The following UBE2V2 variants were observed in gnomAD, a reference collection of about 807,000 sequenced individuals.
The protein encoded by UBE2V2 is ubiquitin conjugating enzyme E2 V2.
A neutral mutation model predicts 17.2 loss-of-function variants in UBE2V2; 9 were observed. The ratio of observed to expected loss-of-function variants is 0.52; its 90% CI spans 0.32 to 0.91. The LOEUF (loss-of-function observed/expected upper bound fraction) is 0.91. Among genes scored for constraint, UBE2V2 ranks in the 40% least tolerant of loss-of-function variants. The probability of loss-of-function intolerance (pLI) is 0.04; values close to 1 mark genes in which losing one functional copy is unlikely to be tolerated. For missense variants in UBE2V2, 133 were observed against 182.6 expected, an observed-to-expected ratio of 0.73 and a Z score of 1.56; for synonymous variants, 61 against 57.5, an observed-to-expected ratio of 1.06 and a Z score of -0.28.
chr8:48,008,069 G>A (rs45573131), upstream of UBE2V2, among the ~76,000 whole-genome samples: 2 of 152,018 alleles, frequency 1.3e-5, no homozygotes, highest in African/African-American at 4.8e-5. Context: ...TTACAGGCGC[G>A]CGCCACCACG....
In UBE2V2 at chr8:48,015,036, C is replaced by G. The variant is rs113385950; in HGVS notation, c.16+6566C>G. 9.8e-3 allele frequency among the ~76,000 whole-genome samples: 1,325 copies of G among 134,710 alleles called. 17 individuals carry two copies. The highest frequency in any genetic ancestry group is 0.035 in the African/African-American group (1,258 of 35,472). 88.4% of individuals were successfully genotyped at this position (134,710 alleles called of 152,430 possible). On this transcript the variant is annotated intron_variant, in intron 1 of 3. Coordinates refer to ENST00000523111, the MANE Select transcript of UBE2V2 (RefSeq NM_003350.3). ...CTGCACTCCAGCCCGAGTGACAGAG[C>G]GAGACTCCATCTCCAAAAAAAAAAA...
intron 3 of UBE2V2, among the ~76,000 whole-genome samples, chr8:48,056,230 C>T (rs2091571010): frequency 6.6e-6 from 1 of 152,070 alleles, no homozygotes; most frequent in African/African-American, 2.4e-5. Flanking sequence ...GTATGGAGAT[C>T]CCATTTTATT....
the UBE2V2 span, among the ~76,000 whole-genome samples, chr8:47,997,880 A>T: frequency 6.6e-6 from 1 of 151,926 alleles, no homozygotes; most frequent in Non-Finnish European, 1.5e-5. Context: ...GATGTTGTCA[A>T]GGAGGGGAAA....
At position 48,043,188 on chromosome 8, in the gene UBE2V2, G is replaced by GTTA. The variant is rs779851217; in HGVS notation, c.165+9_165+11dup. The GTTA allele has an allele frequency of 1.3e-4, 194 of 1,454,052 alleles. No homozygotes were observed. The highest frequency in any genetic ancestry group is 1.7e-4 in the Non-Finnish European group (188 of 1,098,096). 90.1% of individuals were successfully genotyped at this position (1,454,052 alleles called of 1,614,324 possible). On this transcript the variant is annotated splice_region_variant and intron_variant, in intron 2 of 3. Coordinates refer to ENST00000523111, the MANE Select transcript of UBE2V2 (RefSeq NM_003350.3). ...GATTATTGGGCCACCAAGGGTCAGT[G>GTTA]TTATAAATTATATTTTTTCTATTAA...
At chr8:48,012,410 A>G (rs1242983066) in intron 1 of UBE2V2, among the ~76,000 whole-genome samples, 1 of 152,124 alleles carries the variant, frequency 6.6e-6, no homozygotes, top group African/African-American at 2.4e-5. Context: ...AATAATAACA[A>G]TTAGTTTAGA....
intron 3 of UBE2V2, 129 bp from the exon 4 acceptor site, chr8:48,060,553 G>T (rs186650337): frequency 4.4e-5 from 32 of 735,244 alleles, no homozygotes; most frequent in Non-Finnish European, 5.5e-5. Context: ...TAATTCCATA[G>T]TGTATGTTTT....
In UBE2V2 at chr8:48,064,381, A is replaced by G. The variant is rs943439400; in HGVS notation, c.*3553A>G. 2.6e-5 allele frequency: 4 copies of G among 152,186 alleles called. No homozygotes were observed. The highest frequency in any genetic ancestry group is 9.6e-5 in the African/African-American group (4 of 41,452). 9.4% of individuals were successfully genotyped at this position (152,186 alleles called of 1,614,324 possible). ...TTGGGAAAATTGTGTATTTTTTTGT[A>G]TACAAGATAAAAGTGTCATAAAAAG... On this transcript the variant is annotated 3_prime_UTR_variant, in exon 4 of 4. Coordinates refer to ENST00000523111, the MANE Select transcript of UBE2V2 (RefSeq NM_003350.3).
At chr8:48,048,239 T>G (rs1389725271) in intron 2 of UBE2V2, among the ~76,000 whole-genome samples, 1 of 152,254 alleles carries the variant, frequency 6.6e-6, no homozygotes. Context: ...GCATGAAGTC[T>G]GAGCAATTCA....
chr8:48,025,889 C>T (rs1426975350), intron 1 of UBE2V2, among the ~76,000 whole-genome samples: 9 of 152,058 alleles, frequency 5.9e-5, no homozygotes, highest in Admixed American at 6.6e-5. Context: ...CGTGAGCCAC[C>T]GCACCGGGCT....
intron 3 of UBE2V2, among the ~76,000 whole-genome samples, chr8:48,051,266 G>C (rs1327547036): frequency 1.3e-5 from 2 of 152,086 alleles, no homozygotes; most frequent in Non-Finnish European, 2.9e-5. Context: ...TGAAGCCTAG[G>C]CTCTCTTGGT....
intron 1 of UBE2V2, 91 bp downstream of exon 1, chr8:48,008,561 G>T: frequency 2.0e-6 from 3 of 1,476,580 alleles, no homozygotes; most frequent in South Asian, 1.3e-5. Context: ...GACCGTGCGG[G>T]AGAAGCCCGA....
At chr8:48,036,393 C>T (rs1240360980) in intron 1 of UBE2V2, among the ~76,000 whole-genome samples, 1 of 151,844 alleles carries the variant, frequency 6.6e-6, no homozygotes, top group Non-Finnish European at 1.5e-5. Context: ...GAATTTGTGG[C>T]CATCTTTAAT....
chr8:48,060,575 G>T, intron 3 of UBE2V2, 107 bp from the exon 4 acceptor site: 1 of 1,061,422 alleles, frequency 9.4e-7, no homozygotes, highest in East Asian at 2.9e-5. Flanking sequence ...TGAAAATAGA[G>T]GCAAGCTATG....
At chr8:48,050,084 G>A in intron 3 of UBE2V2, 106 bp downstream of exon 3, 1 of 874,750 alleles carries the variant, frequency 1.1e-6, no homozygotes, top group Non-Finnish European at 1.6e-6. Context: ...GTAGTTAGGA[G>A]AAAGTTTTTA....
At chr8:48,008,337 G>C (rs964469175), upstream of UBE2V2, 46 of 1,343,488 alleles carry the variant, frequency 3.4e-5, no homozygotes, top group Non-Finnish European at 4.4e-5. Context: ...CCCTCGGGTC[G>C]CCCCGCGCCC....
intron 1 of UBE2V2, 99 bp downstream of exon 1, chr8:48,008,569 C>G: frequency 6.8e-7 from 1 of 1,462,734 alleles, no homozygotes; most frequent in Non-Finnish European, 9.0e-7. Flanking sequence ...GGGAGAAGCC[C>G]GAGTGCGCTG....
At chr8:48,014,323 C>T (rs565191849) in intron 1 of UBE2V2, among the ~76,000 whole-genome samples, 81 of 152,208 alleles carry the variant, frequency 5.3e-4, no homozygotes, top group South Asian at 1.2e-3. Flanking sequence ...AAAATGTCAA[C>T]ACATTAAGAA....
In UBE2V2 at chr8:48,043,131, G is replaced by A; in HGVS notation, c.115G>A (p.Glu39Lys). The change falls in exon 2 of 4, where the codon GAA (glutamate) becomes AAA (lysine). Residue 39 changes from glutamate (E) to lysine (K), a missense_variant. Physicochemically the swap from Glu to Lys is moderately conservative, Grantham distance 56. Around this residue, in one of 3 missense-constraint regions of UBE2V2, gnomAD observed 92 missense variants for 124.3 expected, o/e 0.74. Transcript: ENST00000523111. ...AGTTAGCTGGGGCCTTGAAGATGATGAAGATATGACACTTACAAGGTGGAC... is the reference window on the plus strand; with the variant it reads ...AGTTAGCTGGGGCCTTGAAGATGATAAAGATATGACACTTACAAGGTGGAC... ...GTVSWGLEDDEDMTLTRWTGM... is the reference protein window; with the variant it reads ...GTVSWGLEDDKDMTLTRWTGM... 6.3e-7 allele frequency: 1 copy of A among 1,595,972 alleles called. No individual in the cohort carries two copies. The highest frequency in any genetic ancestry group is 1.3e-5 in the African/African-American group (1 of 74,782).
intron 1 of UBE2V2, among the ~76,000 whole-genome samples, chr8:48,026,856 A>C (rs2091349599): frequency 6.6e-6 from 1 of 152,198 alleles, no homozygotes; most frequent in African/African-American, 2.4e-5. Flanking sequence ...TATTGGGAAT[A>C]AGGCTGCTGT....
Sources: gnomAD v4.1 joint callset for allele counts (sites outside exome capture counted in the v4.1 genomes callset) on GRCh38, gnomAD v4.1.1 for gene constraint, gnomAD v4.1.1 regional missense constraint, MANE v1.5 for transcripts, NCBI Gene and HGNC (gene_info 2026-07-23, HGNC 2026-07-21) for gene names.